DMP1: variants seen among roughly 807,000 people sequenced by gnomAD.
DMP1 encodes dentin matrix acidic phosphoprotein 1.
Under a neutral mutation model 14.6 loss-of-function variants are expected in DMP1, and 20 were observed. The observed-to-expected ratio is 1.37, with a 90% confidence interval of 0.96 to 1.99. DMP1 has a LOEUF of 1.99. Among genes scored for constraint, DMP1 ranks in the 30% most tolerant of loss-of-function variants. DMP1 has a pLI of 0.00. For synonymous variants in DMP1, 197 were observed against 215.3 expected, an observed-to-expected ratio of 0.91 and a Z score of 0.75; for missense variants, 567 against 620.5, an observed-to-expected ratio of 0.91 and a Z score of 0.92.
rs528870523 is a variant in DMP1 at position 87,659,185 on chromosome 4, G to A, written c.103-35G>A. 1.7e-5 allele frequency: 28 copies of A among 1,606,610 alleles called. No homozygotes were observed. The South Asian group carries it at 3.0e-4, about 17-fold the overall frequency. On this transcript the variant is annotated intron_variant, in intron 3 of 5. Transcript: ENST00000339673. Reference sequence around the variant, plus strand: ...ACAATAATGAAATCCATCTGTGAGGGAGTAATTTGTTTTCCTTCCTTTCCT... The same window carrying A: ...ACAATAATGAAATCCATCTGTGAGGAAGTAATTTGTTTTCCTTCCTTTCCT...
Position 87,657,059 on chromosome 4 carries a change from G to A in DMP1, c.82G>A (p.Glu28Lys). ...AACCAGGTATCAAAATAATGAATCT[G>A]AGGATTCTGAAGAATGGAAGGTGAG... ...PVTRYQNNESEDSEEWKGHLA... is the reference protein window; with the variant it reads ...PVTRYQNNESKDSEEWKGHLA... Residue 28 changes from glutamate to lysine, a missense_variant, in exon 3 of 6, where the codon GAG becomes AAG. Glu to Lys is a moderately conservative substitution (Grantham distance 56). Coordinates refer to ENST00000339673, the MANE Select transcript of DMP1 (RefSeq NM_004407.4). 4 of 1,558,846 alleles carry A rather than the reference G, an allele frequency of 2.6e-6. No homozygotes were observed. The highest frequency in any genetic ancestry group is 2.2e-5 in the East Asian group (1 of 44,544).
chr4:87,663,462 T>C lies in DMP1; in HGVS notation c.*142T>C. On this transcript the variant is annotated 3_prime_UTR_variant, in exon 6 of 6. Coordinates refer to ENST00000339673, the MANE Select transcript of DMP1 (RefSeq NM_004407.4). ...TTTCCTGAAAGGAATTGCTGGACAT[T>C]ACACTTGTTTTTAGGGTGTCATCAT... 1 of 1,275,402 alleles carries C rather than the reference T, an allele frequency of 7.8e-7. No homozygotes were observed. Among genetic ancestry groups the C allele is most frequent in the Non-Finnish European group, 1.1e-6 (1 of 902,326 alleles). 79.0% of individuals were successfully genotyped at this position (1,275,402 alleles called of 1,614,324 possible). A position where few individuals can be genotyped will look rare whatever the true frequency, so the allele number is the denominator to read the frequency against.
In DMP1 at chr4:87,662,897, T is replaced by C; in HGVS notation, c.1119T>C (p.Ser373=). ...GAGATAACCCCGACCCCACAACTAG[T>C]TATGTAGAAGACCAGGAAGACAGTG... is the stretch of plus-strand genomic sequence containing the variant. ...SRGDNPDPTT[S]YVEDQEDSDS... is the part of the protein sequence containing the mutation. The change falls in exon 6 of 6, where the codon AGT becomes AGC. Residue 373 remains serine, a synonymous_variant. Coordinates refer to ENST00000339673, the MANE Select transcript of DMP1 (RefSeq NM_004407.4). 6.2e-7 allele frequency: 1 copy of C among 1,613,988 alleles called. No individual in the cohort carries two copies. The highest frequency in any genetic ancestry group is 8.5e-7 in the Non-Finnish European group (1 of 1,180,018).
intron 1 of DMP1, among the ~76,000 whole-genome samples, chr4:87,653,220 A>G (rs996916295): frequency 4.0e-5 from 6 of 151,472 alleles, no homozygotes; most frequent in African/African-American, 1.4e-4. Flanking sequence ...TATACATGAG[A>G]GGTTGTTTGA....
chr4:87,659,188 T>C, intron 3 of DMP1, 32 bp from the exon 4 acceptor site: 1 of 1,609,426 alleles, frequency 6.2e-7, no homozygotes, highest in Non-Finnish European at 8.5e-7. Context: ...TGTGAGGGAG[T>C]AATTTGTTTT....
In DMP1 at chr4:87,660,770, T is replaced by C. The variant is rs534112770; in HGVS notation, c.184-1192T>C. On this transcript the variant is annotated intron_variant, in intron 5 of 5. Coordinates refer to ENST00000339673, the MANE Select transcript of DMP1 (RefSeq NM_004407.4). ...CACTAGTTGGTGTCTTCTAGCTGAA[T>C]CATCTATAGGCAACTTTCTGGTTGT... 4.6e-5 allele frequency: 7 copies of C among 152,318 alleles called. No homozygotes were observed. The East Asian group carries it at 1.4e-3, about 29-fold the overall frequency. The allele number at this position is 152,318 out of a possible 1,614,324, so 9.4% of individuals were successfully genotyped here.
Position 87,661,856 on chromosome 4 carries a change from G to A in DMP1, c.184-106G>A, listed in dbSNP as rs1728894698. On this transcript the variant is annotated intron_variant, in intron 5 of 5. Coordinates refer to ENST00000339673, the MANE Select transcript of DMP1 (RefSeq NM_004407.4). ...TAGTAAAACTGACCGTAGATTAGAGGAGGGGATGTAGGGCGAAGGAAGCAG... is the reference window on the plus strand; with the variant it reads ...TAGTAAAACTGACCGTAGATTAGAGAAGGGGATGTAGGGCGAAGGAAGCAG... The A allele has an allele frequency of 4.7e-5, 75 of 1,595,234 alleles. 1 individual carries two copies. In the South Asian group the frequency reaches 8.2e-4, roughly 17 times the overall value.
At position 87,657,096 on chromosome 4, in the gene DMP1, CT is replaced by C; in HGVS notation, c.102+22del. Reference sequence around the variant, plus strand: ...GAATGGAAGGTGAGTAGAAATATGACTTTTTGAAATATTTTAATTTTAATTT... The same window carrying C: ...GAATGGAAGGTGAGTAGAAATATGACTTTTGAAATATTTTAATTTTAATTT... On this transcript the variant is annotated intron_variant, in intron 3 of 5. Coordinates refer to ENST00000339673, the MANE Select transcript of DMP1 (RefSeq NM_004407.4). 1.4e-6 allele frequency: 2 copies of C among 1,427,992 alleles called. No individual in the cohort carries two copies. Among genetic ancestry groups the C allele is most frequent in the Non-Finnish European group, 2.0e-6 (2 of 1,014,494 alleles). The allele number at this position is 1,427,992 out of a possible 1,614,324, so 88.5% of individuals were successfully genotyped here. A position where few individuals can be genotyped will look rare whatever the true frequency, so the allele number is the denominator to read the frequency against.
At position 87,662,450 on chromosome 4, in the gene DMP1, G is replaced by A; in HGVS notation, c.672G>A (p.Arg224=). The change falls in exon 6 of 6, where the codon AGG becomes AGA. Residue 224 remains arginine, a synonymous_variant. Transcript: ENST00000339673. The stretch of plus-strand genomic sequence containing the variant: ...AGAGTGATGACCCAGAGAGCATCAG[G>A]AGTGAAAGGGGAAACTCCAGAATGA... ...GMQSDDPESI[R]SERGNSRMNS... The A allele has an allele frequency of 6.2e-7, 1 of 1,614,194 alleles. No homozygotes were observed. The highest frequency in any genetic ancestry group is 8.5e-7 in the Non-Finnish European group (1 of 1,180,036).
chr4:87,661,581 G>A (rs916821366), intron 5 of DMP1, among the ~76,000 whole-genome samples: 2 of 150,350 alleles, frequency 1.3e-5, no homozygotes, highest in Admixed American at 1.3e-4. Flanking sequence ...AGATGGTCTC[G>A]ATCTCTTGAC....
At chr4:87,655,385 G>A (rs1456522695) in intron 1 of DMP1, among the ~76,000 whole-genome samples, 1 of 152,134 alleles carries the variant, frequency 6.6e-6, no homozygotes, top group African/African-American at 2.4e-5. Flanking sequence ...TTACCCTCCA[G>A]AAAAATAGTT....
intron 3 of DMP1, chr4:87,657,292 T>A (rs116792016): frequency 2.3e-6 from 1 of 444,212 alleles, no homozygotes; most frequent in Non-Finnish European, 4.1e-6. Flanking sequence ...TTTCTTCTTA[T>A]AATGGATGTG....
At chr4:87,659,129 A>G (rs1046296176) in intron 3 of DMP1, 91 bp from the exon 4 acceptor site, 1 of 1,370,828 alleles carries the variant, frequency 7.3e-7, no homozygotes, top group Non-Finnish European at 1.0e-6. Flanking sequence ...AAGAAACTAA[A>G]AATAATAACC....
rs1457234937 is a variant in DMP1 at position 87,664,129 on chromosome 4, G to C, written c.*809G>C. On this transcript the variant is annotated 3_prime_UTR_variant, in exon 6 of 6. Transcript: ENST00000339673. ...ACTAATCACTGGTGATGATAAGAAG[G>C]ATTGGGTCAGGAAGAGTGGGAGAAA... is the stretch of plus-strand genomic sequence containing the variant. 6.6e-6 allele frequency: 1 copy of C among 152,098 alleles called. No individual in the cohort carries two copies. Among genetic ancestry groups the C allele is most frequent in the African/African-American group, 2.4e-5 (1 of 41,310 alleles). 9.4% of individuals were successfully genotyped at this position (152,098 alleles called of 1,614,324 possible).
rs57266829 is a variant in DMP1, at chr4:87,653,386, G to GATATATATAT, written c.-22+3040_-21-3039dup. 2.9e-3 allele frequency among the ~76,000 whole-genome samples: 170 copies of GATATATATAT among 57,742 alleles called. 2 individuals carry two copies. The highest frequency in any genetic ancestry group is 0.017 in the Middle Eastern group (1 of 60). 37.9% of individuals were successfully genotyped at this position (57,742 alleles called of 152,430 possible). ...TCAGCATATTCAGGCATTATCGAGT[G>GATATATATAT]ATATATATATATATATATATATATA... is the stretch of plus-strand genomic sequence containing the variant. On this transcript the variant is annotated intron_variant, in intron 1 of 5. Coordinates refer to ENST00000339673, the MANE Select transcript of DMP1 (RefSeq NM_004407.4).
Position 87,663,607 on chromosome 4 carries a change from A to G in DMP1, c.*287A>G. ...TAGTTCCTAATTCATCAACGTAACA[A>G]ACAAAGCTATTGGGTGTCCATGATA... On this transcript the variant is annotated 3_prime_UTR_variant, in exon 6 of 6. Transcript: ENST00000339673. The G allele has an allele frequency of 4.3e-6, 2 of 468,180 alleles. No homozygotes were observed. The highest frequency in any genetic ancestry group is 7.8e-6 in the Non-Finnish European group (2 of 256,300). 29.0% of individuals were successfully genotyped at this position (468,180 alleles called of 1,614,324 possible).
At position 87,657,944 on chromosome 4, in the gene DMP1, T is replaced by C. The variant is rs371281038; in HGVS notation, c.102+865T>C. Among the ~76,000 whole-genome samples the C allele has an allele frequency of 2.0e-4, 30 of 152,226 alleles. 1 individual carries two copies. Among genetic ancestry groups the C allele is most frequent in the African/African-American group, 6.5e-4 (27 of 41,458 alleles). On this transcript the variant is annotated intron_variant, in intron 3 of 5. Transcript: ENST00000339673. ...GTGACCTGAGGTGGGGTCCTGTCCA[T>C]GCCTGAGTCTGGAATAGACTTTGCA...
chr4:87,653,206 A>G (rs1202750719), intron 1 of DMP1, among the ~76,000 whole-genome samples: 1 of 151,490 alleles, frequency 6.6e-6, no homozygotes, highest in Non-Finnish European at 1.5e-5. Flanking sequence ...GATAATGCCC[A>G]TAATATACAT....
intron 1 of DMP1, among the ~76,000 whole-genome samples, chr4:87,654,954 C>T (rs992195584): frequency 6.6e-6 from 1 of 151,986 alleles, no homozygotes. Context: ...ATCTCAGGGC[C>T]CACAGGAATT....
Sources: gnomAD v4.1 joint callset for allele counts (sites outside exome capture counted in the v4.1 genomes callset) on GRCh38, gnomAD v4.1.1 for gene constraint, MANE v1.5 for transcripts, NCBI Gene and HGNC (gene_info 2026-07-23, HGNC 2026-07-21) for gene names.